Variants in CLVS2 observed in about 807,000 individuals in gnomAD.
The protein encoded by CLVS2 is clavesin 2.
Under a neutral mutation model 29.0 loss-of-function variants are expected in CLVS2, and 19 were observed. The observed-to-expected ratio is 0.66, with a 90% CI of 0.46 to 0.96. The LOEUF (loss-of-function observed/expected upper bound fraction) is 0.96, where lower values mean the gene tolerates loss of function less well. Among genes scored for constraint, CLVS2 ranks in the 40% least tolerant of loss-of-function variants. The pLI, the probability that CLVS2 is intolerant of heterozygous loss-of-function variation, is 0.00. For synonymous variants in CLVS2, 161 were observed against 151.3 expected, an observed-to-expected ratio of 1.06 and a Z score of -0.47; for missense variants, 294 against 404.1, an observed-to-expected ratio of 0.73 and a Z score of 2.34.
At chr6:123,004,956 A>C (rs949024775) in intron 2 of CLVS2, among the ~76,000 whole-genome samples, 29 of 151,418 alleles carry the variant, frequency 1.9e-4, no homozygotes, top group East Asian at 3.9e-4. Flanking sequence ...AAAACAAAAA[A>C]AAAAAAAACC....
chr6:123,048,790 C>T (rs1772560327), intron 4 of CLVS2, 58 bp downstream of exon 4: 1 of 1,020,356 alleles, frequency 9.8e-7, no homozygotes, highest in Non-Finnish European at 1.6e-6. Context: ...AATTATAATG[C>T]ATAATGTGTA....
chr6:123,016,596 T>C (rs1441354803), intron 3 of CLVS2, among the ~76,000 whole-genome samples: 1 of 152,024 alleles, frequency 6.6e-6, no homozygotes, highest in Non-Finnish European at 1.5e-5. Context: ...AAGTACATAA[T>C]GTAGTCAAGG....
At chr6:123,028,970 G>A (rs1022684116) in intron 3 of CLVS2, among the ~76,000 whole-genome samples, 16 of 152,112 alleles carry the variant, frequency 1.1e-4, no homozygotes, top group African/African-American at 3.1e-4. Flanking sequence ...GGTCATAAAG[G>A]TGGAGCCCTC....
At chr6:123,003,601 T>C (rs1267412989) in intron 2 of CLVS2, among the ~76,000 whole-genome samples, 1 of 142,994 alleles carries the variant, frequency 7.0e-6, no homozygotes, top group Middle Eastern at 3.5e-3. Flanking sequence ...ACTTTGAGAA[T>C]TTGTTATGTA....
In CLVS2 at chr6:123,063,827, C is replaced by T; in HGVS notation, c.*66C>T. On this transcript the variant is annotated 3_prime_UTR_variant, in exon 6 of 6. Coordinates refer to ENST00000275162, the MANE Select transcript of CLVS2 (RefSeq NM_001010852.4). ...TATTGGTTTTCAGCAACAGGGACAA[C>T]ACTGTAGAGGAATTACCAGCTGGAA... is the stretch of plus-strand genomic sequence containing the variant. 2.8e-6 allele frequency: 3 copies of T among 1,066,982 alleles called. No individual in the cohort carries two copies. In the Admixed American group the frequency reaches 5.4e-5, roughly 19 times the overall value. 66.1% of individuals were successfully genotyped at this position (1,066,982 alleles called of 1,614,324 possible). A position where few individuals can be genotyped will look rare whatever the true frequency, so the allele number is the denominator to read the frequency against.
At chr6:123,044,859 T>C (rs759031774) in intron 3 of CLVS2, among the ~76,000 whole-genome samples, 7 of 152,170 alleles carry the variant, frequency 4.6e-5, no homozygotes, top group Non-Finnish European at 1.0e-4. Flanking sequence ...GTTTCCAAGC[T>C]TAACTTTTCC....
intron 3 of CLVS2, among the ~76,000 whole-genome samples, chr6:123,038,357 G>C (rs6930735): frequency 0.74 from 112,945 of 152,074 alleles, 42,452 homozygotes; most frequent in East Asian, 0.92. Flanking sequence ...ATTCACATTC[G>C]CCTTACATTT....
chr6:123,017,163 T>C (rs949460789), intron 3 of CLVS2, among the ~76,000 whole-genome samples: 2 of 151,846 alleles, frequency 1.3e-5, no homozygotes, highest in African/African-American at 4.8e-5. Flanking sequence ...AGTGAGATAT[T>C]GACTAAATTA....
chr6:123,035,884 C>A (rs974690506), intron 3 of CLVS2, among the ~76,000 whole-genome samples: 2 of 152,044 alleles, frequency 1.3e-5, no homozygotes, highest in Non-Finnish European at 2.9e-5. Flanking sequence ...TCTGTTCTTC[C>A]TAGAGGATTT....
chr6:123,017,397 G>C (rs1425132965), intron 3 of CLVS2, among the ~76,000 whole-genome samples: 1 of 152,058 alleles, frequency 6.6e-6, no homozygotes, highest in Non-Finnish European at 1.5e-5. Flanking sequence ...CTCGTGAACT[G>C]TATTCATTCA....
intron 3 of CLVS2, among the ~76,000 whole-genome samples, chr6:123,021,478 G>T (rs1399171950): frequency 6.6e-6 from 1 of 151,678 alleles, no homozygotes; most frequent in Non-Finnish European, 1.5e-5. Flanking sequence ...TGTTTCTATA[G>T]CATGGATTTT....
At chr6:123,026,115 A>C (rs891803566) in intron 3 of CLVS2, among the ~76,000 whole-genome samples, 1 of 152,162 alleles carries the variant, frequency 6.6e-6, no homozygotes, top group Non-Finnish European at 1.5e-5. Flanking sequence ...TAATATTTGC[A>C]AAGTGTAAAA....
At chr6:123,018,559 A>C (rs1774874184) in intron 3 of CLVS2, among the ~76,000 whole-genome samples, 1 of 151,962 alleles carries the variant, frequency 6.6e-6, no homozygotes, top group Non-Finnish European at 1.5e-5. Context: ...ATATTGCCAG[A>C]ATCTTAGAAG....
At position 123,068,238 on chromosome 6, in the gene CLVS2, G is replaced by T. The variant is rs1772892740; in HGVS notation, c.*4477G>T. Reference sequence around the variant, plus strand: ...GATGCTATTGAAATAAAAAAATGTAGAAATCACTTAATTATAGGAGTTAAA... The same window carrying T: ...GATGCTATTGAAATAAAAAAATGTATAAATCACTTAATTATAGGAGTTAAA... On this transcript the variant is annotated 3_prime_UTR_variant, in exon 6 of 6. Transcript: ENST00000275162. The T allele has an allele frequency of 6.6e-6, 1 of 151,356 alleles. No individual in the cohort carries two copies. The highest frequency in any genetic ancestry group is 1.5e-5 in the Non-Finnish European group (1 of 67,568). 9.4% of individuals were successfully genotyped at this position (151,356 alleles called of 1,614,324 possible). A position where few individuals can be genotyped will look rare whatever the true frequency, so the allele number is the denominator to read the frequency against.
At chr6:123,018,867 GGAT>G (rs1452196194) in intron 3 of CLVS2, among the ~76,000 whole-genome samples, 1 of 151,962 alleles carries the variant, frequency 6.6e-6, no homozygotes, top group Admixed American at 6.6e-5. Flanking sequence ...TTTAAAACAT[GGAT>G]GAGTATAAGG....
intron 3 of CLVS2, among the ~76,000 whole-genome samples, chr6:123,019,506 A>AT (rs1554201546): frequency 2.6e-5 from 4 of 151,872 alleles, no homozygotes; most frequent in South Asian, 4.2e-4. Context: ...GGCGATTTCT[A>AT]TTTTTTTGTA....
chr6:123,057,841 C>G (rs76599622), intron 5 of CLVS2, among the ~76,000 whole-genome samples: 2,949 of 152,218 alleles, frequency 0.019, 82 homozygotes, highest in African/African-American at 0.065. Flanking sequence ...TCTTTTAGAA[C>G]AGAACTTCTC....
intron 4 of CLVS2, among the ~76,000 whole-genome samples, chr6:123,055,469 C>A (rs1772680848): frequency 6.6e-6 from 1 of 152,118 alleles, no homozygotes; most frequent in Non-Finnish European, 1.5e-5. Flanking sequence ...CAACTAACAC[C>A]AGGATGATGT....
rs1437977571 is a variant in CLVS2, at chr6:123,065,020, T to A, written c.*1259T>A. ...TATTTTCAAATTTAAGTTAATTATC[T>A]TCGTGATCCTATTTATCCACAATTT... On this transcript the variant is annotated 3_prime_UTR_variant, in exon 6 of 6. Coordinates refer to ENST00000275162, the MANE Select transcript of CLVS2 (RefSeq NM_001010852.4). 1 of 151,828 alleles carries A rather than the reference T, an allele frequency of 6.6e-6. No individual in the cohort carries two copies. Among genetic ancestry groups the A allele is most frequent in the Admixed American group, 6.6e-5 (1 of 15,198 alleles). The allele number at this position is 151,828 out of a possible 1,614,324, so 9.4% of individuals were successfully genotyped here.
Sources: allele counts gnomAD v4.1 joint callset (sites outside exome capture counted in the v4.1 genomes callset), GRCh38; gene constraint gnomAD v4.1.1; transcripts MANE v1.5; gene names NCBI Gene and HGNC (gene_info 2026-07-23, HGNC 2026-07-21).